Variants in TMEM260 observed in about 807,000 individuals in gnomAD.
The protein encoded by TMEM260 is transmembrane protein 260.
Under a neutral mutation model 88.9 loss-of-function variants are expected in TMEM260, and 82 were observed. The ratio of observed to expected loss-of-function variants is 0.92; its 90% confidence interval spans 0.77 to 1.11. The LOEUF is 1.11. TMEM260 is among the 50% of genes least tolerant of loss of function. The pLI is 0.00. For synonymous variants in TMEM260, 314 were observed against 309.3 expected (o/e 1.02, Z -0.16); for missense variants, 902 against 853.4 (o/e 1.06, Z -0.71).
chr14:56,639,468 C>G (rs1889395078), intron 15 of TMEM260, among the ~76,000 whole-genome samples: 1 of 152,222 alleles, frequency 6.6e-6, no homozygotes. Context: ...AAGTAACAAA[C>G]ATCAATCTAA....
Position 56,647,484 on chromosome 14 carries a change from G to A in TMEM260, c.2111G>A (p.Arg704Lys), listed in dbSNP as rs138916347. 6.9e-6 allele frequency: 11 copies of A among 1,594,750 alleles called. No individual in the cohort carries two copies. The highest frequency in any genetic ancestry group is 2.3e-5 in the East Asian group (1 of 44,316). ...LRKELQSLRN[R>K]KNV Reference sequence around the variant, plus strand: ...AAAGAACTGCAAAGTCTGAGAAATAGGAAAAATGTCTGAGACAGCAAAATA... The same window carrying A: ...AAAGAACTGCAAAGTCTGAGAAATAAGAAAAATGTCTGAGACAGCAAAATA... Residue 704 changes from arginine (R) to lysine (K), a missense_variant, in exon 16 of 16, where the codon AGG (arginine) becomes AAG (lysine). Coordinates refer to ENST00000261556, the MANE Select transcript of TMEM260 (RefSeq NM_017799.4).
intron 10 of TMEM260, among the ~76,000 whole-genome samples, chr14:56,620,285 CATAAA>C (rs1034341616): frequency 1.3e-5 from 2 of 152,210 alleles, no homozygotes; most frequent in East Asian, 1.9e-4. Context: ...GTACCCTGAA[CATAAA>C]ATAAAAGTTA....
chr14:56,645,330 C>T (rs1156320636), intron 15 of TMEM260, among the ~76,000 whole-genome samples: 2 of 151,958 alleles, frequency 1.3e-5, no homozygotes, highest in African/African-American at 4.8e-5. Context: ...ATGATGAGTT[C>T]ATGTCCTTTG....
chr14:56,603,391 G>C (rs1281951135), intron 3 of TMEM260, among the ~76,000 whole-genome samples: 8 of 152,140 alleles, frequency 5.3e-5, no homozygotes, highest in Non-Finnish European at 1.5e-5. Context: ...TACCTGAAGT[G>C]AGAATGCATT....
In TMEM260 at chr14:56,647,364, T is replaced by C. The variant is rs1418724044; in HGVS notation, c.1991T>C (p.Leu664Ser). 1 of 1,614,082 alleles carries C rather than the reference T, an allele frequency of 6.2e-7. No homozygotes were observed. The highest frequency in any genetic ancestry group is 1.7e-5 in the Admixed American group (1 of 60,016). Residue 664 changes from leucine to serine, a missense_variant, in exon 16 of 16, where the codon TTA (leucine) becomes TCA (serine). Coordinates refer to ENST00000261556, the MANE Select transcript of TMEM260 (RefSeq NM_017799.4). ...QARDADPEVL[L>S]SETIRHFRLY... ...AGAGATGCAGATCCTGAAGTGCTGT[T>C]ATCGGAAACCATCAGACATTTCCGT...
chr14:56,649,812 A>G (rs1196983650), downstream of TMEM260, among the ~76,000 whole-genome samples: 1 of 152,176 alleles, frequency 6.6e-6, no homozygotes, highest in East Asian at 1.9e-4. Context: ...TGGTACCTAG[A>G]TTATTCTATA....
chr14:56,639,140 C>G (rs777143519), intron 15 of TMEM260, among the ~76,000 whole-genome samples: 1 of 152,092 alleles, frequency 6.6e-6, no homozygotes, highest in Non-Finnish European at 1.5e-5. Flanking sequence ...TTTTGGACTT[C>G]AACACCTTAG....
chr14:56,613,256 T>G (rs1246198766), intron 7 of TMEM260: 1 of 152,178 alleles, frequency 6.6e-6, no homozygotes, highest in Non-Finnish European at 1.5e-5. Context: ...AAAAAAACTA[T>G]GAGGAGAATA....
intron 15 of TMEM260, among the ~76,000 whole-genome samples, chr14:56,641,698 C>T (rs1231041477): frequency 6.6e-6 from 1 of 152,102 alleles, no homozygotes; most frequent in Non-Finnish European, 1.5e-5. Context: ...GCTAAATGCT[C>T]CAATTAAAAG....
rs560760111 is a variant in TMEM260, at chr14:56,626,274, G to T, written c.1547+744G>T. On this transcript the variant is annotated intron_variant, in intron 12 of 15. Transcript: ENST00000261556. The stretch of plus-strand genomic sequence containing the variant: ...GTGTTTAGAGCCTGAAGTTTATATG[G>T]CTCGTGGAGTAAACGACAGTAATGG... Among the ~76,000 whole-genome samples the T allele has an allele frequency of 9.2e-5, 14 of 152,218 alleles. No homozygotes were observed. The South Asian group carries it at 2.9e-3, about 32-fold the overall frequency.
intron 7 of TMEM260, 44 bp from the exon 8 acceptor site, chr14:56,615,900 C>A: frequency 7.5e-7 from 1 of 1,338,886 alleles, no homozygotes; most frequent in Non-Finnish European, 1.1e-6. Context: ...TGGAATCAAT[C>A]AAATTTGTTT....
intron 15 of TMEM260, among the ~76,000 whole-genome samples, chr14:56,637,555 C>T (rs540563911): frequency 6.6e-6 from 1 of 152,320 alleles, no homozygotes; most frequent in East Asian, 1.9e-4. Flanking sequence ...CAGACACTTG[C>T]AGAGTCTGCT....
chr14:56,598,081 G>GT (rs1273219311), intron 3 of TMEM260, among the ~76,000 whole-genome samples: 1 of 152,074 alleles, frequency 6.6e-6, no homozygotes, highest in African/African-American at 2.4e-5. Flanking sequence ...GAACAGATCT[G>GT]TTTTTTTCAG....
downstream of TMEM260, among the ~76,000 whole-genome samples, chr14:56,654,635 T>C (rs1000596298): frequency 6.6e-6 from 1 of 151,572 alleles, no homozygotes; most frequent in Non-Finnish European, 1.5e-5. Flanking sequence ...CCTGAGGTGG[T>C]GAAACCCCAT....
chr14:56,630,060 A>G (rs1594873280), intron 12 of TMEM260, among the ~76,000 whole-genome samples: 2 of 152,180 alleles, frequency 1.3e-5, no homozygotes, highest in Admixed American at 6.5e-5. Flanking sequence ...AAAAGAAGAA[A>G]AAAAAAAGTA....
At chr14:56,581,797 G>C (rs1885153818) in intron 1 of TMEM260, among the ~76,000 whole-genome samples, 1 of 152,170 alleles carries the variant, frequency 6.6e-6, no homozygotes, top group Non-Finnish European at 1.5e-5. Flanking sequence ...AAAGTATATT[G>C]ACTTCAGAAT....
intron 4 of TMEM260, among the ~76,000 whole-genome samples, chr14:56,604,333 C>T (rs1821817765): frequency 6.6e-6 from 1 of 152,032 alleles, no homozygotes. Context: ...TCTACACTGG[C>T]CCCCTTAAAT....
intron 11 of TMEM260, 38 bp from the exon 12 acceptor site, chr14:56,625,344 T>C (rs756316630): frequency 3.8e-6 from 6 of 1,597,060 alleles, no homozygotes; most frequent in East Asian, 2.2e-5. Flanking sequence ...CTAAGAAATA[T>C]ATTAAAAGTC....
chr14:56,600,089 A>G (rs990613602), intron 3 of TMEM260, among the ~76,000 whole-genome samples: 19 of 152,122 alleles, frequency 1.2e-4, no homozygotes, highest in Non-Finnish European at 1.3e-4. Flanking sequence ...GTGCATTTTA[A>G]GGAGCATTCA....
Sources: allele counts gnomAD v4.1 joint callset (sites outside exome capture counted in the v4.1 genomes callset), GRCh38; gene constraint gnomAD v4.1.1; transcripts MANE v1.5; gene names NCBI Gene and HGNC (gene_info 2026-07-23, HGNC 2026-07-21).